CPS1: variants seen among roughly 807,000 people sequenced by gnomAD.
CPS1 encodes the protein carbamoyl-phosphate synthase 1, also known as carbamoyl-phosphate synthase [ammonia], mitochondrial.
In CPS1, 109 loss-of-function variants were observed where a neutral mutation model predicts 174.6. The observed-to-expected ratio is 0.62, with a 90% CI of 0.53 to 0.73. CPS1 has a LOEUF of 0.73. Among genes scored for constraint, CPS1 ranks in the 30% least tolerant of loss-of-function variants. The probability of loss-of-function intolerance (pLI) is 0.00; values close to 1 mark genes in which losing one functional copy is unlikely to be tolerated. For synonymous variants in CPS1, 637 were observed against 632.0 expected, an observed-to-expected ratio of 1.01 and a Z score of -0.12; for missense variants, 1,689 against 1,821.9, an observed-to-expected ratio of 0.93 and a Z score of 1.33.
chr2:210,612,408 A>T, intron 20 of CPS1, 115 bp downstream of exon 20: 3 of 1,082,498 alleles, frequency 2.8e-6, no homozygotes, highest in Non-Finnish European at 4.2e-6. Context: ...TTTTTGGAAA[A>T]TTTTTAATTC....
intron 1 of CPS1, among the ~76,000 whole-genome samples, chr2:210,542,147 C>T (rs1025631550): frequency 1.3e-5 from 2 of 152,140 alleles, no homozygotes; most frequent in Non-Finnish European, 2.9e-5. Context: ...TTAACTTCCA[C>T]ACCCCAATTT....
chr2:210,676,632 T>A (rs2105945488), intron 36 of CPS1, among the ~76,000 whole-genome samples: 1 of 152,284 alleles, frequency 6.6e-6, no homozygotes, highest in Non-Finnish European at 1.5e-5. Flanking sequence ...TAATTAGCAC[T>A]ACTAAGGAGG....
intron 1 of CPS1, among the ~76,000 whole-genome samples, chr2:210,549,204 A>G (rs566069469): frequency 1.3e-5 from 2 of 152,146 alleles, no homozygotes; most frequent in South Asian, 4.1e-4. Flanking sequence ...CCTCACAGCT[A>G]GGGTTGCTCT....
intron 1 of CPS1, among the ~76,000 whole-genome samples, chr2:210,533,364 T>C (rs1201363504): frequency 1.3e-5 from 2 of 152,136 alleles, no homozygotes; most frequent in Non-Finnish European, 2.9e-5. Flanking sequence ...CTAGACACCA[T>C]TGCATGCACT....
Position 210,595,507 on chromosome 2 carries a change from A to C in CPS1, c.1284A>C (p.Leu428=), listed in dbSNP as rs1574567824. The part of the protein sequence containing the change: ...SRVEVSKVLI[L]GSGGLSIGQA... ...TATAGGTTTCCAAAGTCCTTATTCT[A>C]GGATCAGGAGGTCTGTCCATTGGTC... Residue 428 remains leucine, a synonymous_variant, in exon 13 of 38, where the codon CTA becomes CTC. Transcript: ENST00000233072. 1.2e-6 allele frequency: 2 copies of C among 1,611,084 alleles called. No homozygotes were observed. The highest frequency in any genetic ancestry group is 2.7e-5 in the African/African-American group (2 of 74,712).
intron 24 of CPS1, among the ~76,000 whole-genome samples, chr2:210,641,006 G>GT (rs1285846701): frequency 1.3e-5 from 2 of 152,188 alleles, no homozygotes; most frequent in African/African-American, 4.8e-5. Context: ...TGAGACATAG[G>GT]TCTCTGCTTC....
chr2:210,676,358 G>A (rs548595338), intron 36 of CPS1, among the ~76,000 whole-genome samples: 1 of 152,270 alleles, frequency 6.6e-6, no homozygotes, highest in South Asian at 2.1e-4. Context: ...TATTTCAGCA[G>A]ATTGTGTGAA....
chr2:210,508,563 C>T (rs1031316254), intron 1 of CPS1, among the ~76,000 whole-genome samples: 27 of 152,086 alleles, frequency 1.8e-4, no homozygotes, highest in Non-Finnish European at 3.7e-4. Context: ...ACACAAAAAA[C>T]CCTTCAAAAA....
intron 16 of CPS1, among the ~76,000 whole-genome samples, chr2:210,603,906 T>C (rs554237172): frequency 2.0e-5 from 3 of 151,946 alleles, no homozygotes; most frequent in South Asian, 4.1e-4. Context: ...TTACATAAAA[T>C]CGAAGACTTC....
At chr2:210,644,366 TTAG>T (rs1319603159) in intron 25 of CPS1, among the ~76,000 whole-genome samples, 1 of 152,124 alleles carries the variant, frequency 6.6e-6, no homozygotes, top group Non-Finnish European at 1.5e-5. Flanking sequence ...CAGACATTAA[TTAG>T]TGATAGGCAA....
At position 210,579,748 on chromosome 2, in the gene CPS1, T is replaced by A. The variant is rs1368342651; in HGVS notation, c.506T>A (p.Leu169Gln). ...ATTTATGGAGTGGACACAAGAATGC[T>A]GACTAAAATAATTCGGGATAAGGTA... is the stretch of plus-strand genomic sequence containing the variant. Reference protein sequence around the residue: ...PAIYGVDTRMLTKIIRDKGTM... With the variant: ...PAIYGVDTRMQTKIIRDKGTM... Residue 169 changes from leucine to glutamine, a missense_variant, in exon 5 of 38, where the codon CTG becomes CAG. By Grantham distance (113) the Leu-to-Gln change is moderately radical. Transcript: ENST00000233072. 6.2e-7 allele frequency: 1 copy of A among 1,613,262 alleles called. No homozygotes were observed. Among genetic ancestry groups the A allele is most frequent in the Non-Finnish European group, 8.5e-7 (1 of 1,179,704 alleles).
At chr2:210,671,417 T>G (rs1039780850) in intron 34 of CPS1, among the ~76,000 whole-genome samples, 1 of 152,228 alleles carries the variant, frequency 6.6e-6, no homozygotes, top group African/African-American at 2.4e-5. Context: ...CTTTCTTTTC[T>G]GTAGCCAGGA....
intron 1 of CPS1, among the ~76,000 whole-genome samples, chr2:210,566,329 A>G (rs1697301623): frequency 6.6e-6 from 1 of 152,168 alleles, no homozygotes; most frequent in Admixed American, 6.5e-5. Context: ...TAGGGTTCCA[A>G]CAATCTTCAG....
intron 24 of CPS1, among the ~76,000 whole-genome samples, chr2:210,642,253 AGC>A (rs1263013111): frequency 6.6e-6 from 1 of 152,246 alleles, no homozygotes; most frequent in Non-Finnish European, 1.5e-5. Flanking sequence ...TGCAGAATTT[AGC>A]ATATATGACA....
intron 1 of CPS1, among the ~76,000 whole-genome samples, chr2:210,532,249 T>C (rs1221308146): frequency 6.6e-6 from 1 of 152,074 alleles, no homozygotes; most frequent in African/African-American, 2.4e-5. Flanking sequence ...AGCAACAAGG[T>C]CTGTATCGTT....
intron 28 of CPS1, among the ~76,000 whole-genome samples, chr2:210,651,061 A>C (rs1700544183): frequency 6.6e-6 from 1 of 152,130 alleles, no homozygotes; most frequent in Admixed American, 6.5e-5. Context: ...TGATCCATTT[A>C]AGATTTACCC....
chr2:210,487,689 C>CTT (rs34525280), intron 1 of CPS1, among the ~76,000 whole-genome samples: 9 of 148,776 alleles, frequency 6.0e-5, no homozygotes, highest in African/African-American at 9.9e-5. Flanking sequence ...CATTGTGATG[C>CTT]TTTTTTTTTT....
chr2:210,562,379 G>GT (rs1376113200), intron 1 of CPS1, among the ~76,000 whole-genome samples: 1 of 152,204 alleles, frequency 6.6e-6, no homozygotes, highest in African/African-American at 2.4e-5. Flanking sequence ...TGCTGTTACA[G>GT]TGCTTCAGAA....
chr2:210,488,214 A>G (rs2105948030), intron 1 of CPS1, among the ~76,000 whole-genome samples: 1 of 152,284 alleles, frequency 6.6e-6, no homozygotes, highest in Non-Finnish European at 1.5e-5. Flanking sequence ...AGAAGAAAAA[A>G]AAAGAAGAGA....
Sources: allele counts gnomAD v4.1 joint callset (sites outside exome capture counted in the v4.1 genomes callset), GRCh38; gene constraint gnomAD v4.1.1; transcripts MANE v1.5; gene names NCBI Gene and HGNC (gene_info 2026-07-23, HGNC 2026-07-21).